The following COL23A1 variants were observed in gnomAD, a reference collection of about 807,000 sequenced individuals.
The protein encoded by COL23A1 is collagen alpha-1(XXIII) chain.
Under a neutral mutation model 99.3 loss-of-function variants are expected in COL23A1, and 97 were observed. The observed-to-expected ratio is 0.98, with a 90% CI of 0.83 to 1.16. The LOEUF (loss-of-function observed/expected upper bound fraction) is 1.16, where lower values mean the gene tolerates loss of function less well. Ranked by LOEUF, COL23A1 falls within the 50% of genes most tolerant of loss-of-function variation. The pLI, the probability that COL23A1 is intolerant of heterozygous loss-of-function variation, is 0.00. For missense variants in COL23A1, 762 were observed against 757.4 expected, an observed-to-expected ratio of 1.01 and a Z score of -0.07; for synonymous variants, 320 against 308.2, an observed-to-expected ratio of 1.04 and a Z score of -0.40.
rs767768898 is a variant in COL23A1, at chr5:178,296,771, G to A, written c.407-6402C>T. 4.7e-4 allele frequency among the ~76,000 whole-genome samples: 72 copies of A among 152,194 alleles called. 1 individual carries two copies. Among genetic ancestry groups the A allele is most frequent in the Admixed American group, 1.0e-3 (16 of 15,288 alleles). The stretch of plus-strand genomic sequence containing the variant: ...TGGCAGCGTTCCGGAGACTGATCTC[G>A]TTGCTCGTGGGACAGTCCACCTCAA... On this transcript the variant is annotated intron_variant, in intron 3 of 28. Transcript: ENST00000390654.
intron 2 of COL23A1, among the ~76,000 whole-genome samples, chr5:178,368,861 G>A (rs1338302930): frequency 6.6e-6 from 1 of 152,274 alleles, no homozygotes; most frequent in Non-Finnish European, 1.5e-5. Flanking sequence ...CCTCCTGACT[G>A]ATTCCTGCTG....
intron 2 of COL23A1, among the ~76,000 whole-genome samples, chr5:178,392,886 A>C (rs1316378080): frequency 1.3e-5 from 2 of 152,046 alleles, no homozygotes; most frequent in African/African-American, 2.4e-5. Context: ...GCCAGCGCTG[A>C]AGAGAAACAC....
At chr5:178,305,785 G>C (rs1482360020) in intron 3 of COL23A1, among the ~76,000 whole-genome samples, 1 of 152,132 alleles carries the variant, frequency 6.6e-6, no homozygotes, top group Non-Finnish European at 1.5e-5. Context: ...AGGAGGTCAC[G>C]GCAGTGAGAA....
chr5:178,407,935 CT>C (rs1421931223), intron 2 of COL23A1, among the ~76,000 whole-genome samples: 2 of 152,088 alleles, frequency 1.3e-5, no homozygotes, highest in Admixed American at 1.3e-4. Context: ...TAAATAATGG[CT>C]GGGGAATTTC....
intron 2 of COL23A1, among the ~76,000 whole-genome samples, chr5:178,547,745 C>CCACA (rs1486629156): frequency 2.9e-5 from 1 of 34,554 alleles, no homozygotes; most frequent in African/African-American, 1.4e-4. Flanking sequence ...CCACACACCC[C>CCACA]CACACCCACA....
At chr5:178,370,206 A>G (rs1381933881) in intron 2 of COL23A1, among the ~76,000 whole-genome samples, 1 of 152,242 alleles carries the variant, frequency 6.6e-6, no homozygotes, top group African/African-American at 2.4e-5. Flanking sequence ...TGAAAAGAGC[A>G]TGCTGGGGAG....
intron 1 of COL23A1, chr5:178,562,526 G>A (rs1056875669): frequency 1.4e-5 from 2 of 146,302 alleles, no homozygotes; most frequent in African/African-American, 5.2e-5. Flanking sequence ...CTGCACTCCA[G>A]CCTGGGCGAC....
chr5:178,430,687 T>A (rs1766212990), intron 2 of COL23A1, among the ~76,000 whole-genome samples: 1 of 152,152 alleles, frequency 6.6e-6, no homozygotes, highest in South Asian at 2.1e-4. Context: ...CAATGGCAAC[T>A]TGGGAAATAG....
At chr5:178,536,063 G>A (rs1027148928) in intron 2 of COL23A1, among the ~76,000 whole-genome samples, 5 of 152,272 alleles carry the variant, frequency 3.3e-5, no homozygotes, top group Non-Finnish European at 5.9e-5. Flanking sequence ...CCAGGGATCT[G>A]GTCTGCCAGA....
rs192803310 is a variant in COL23A1, at chr5:178,344,407, T to C, written c.362-37488A>G. Among the ~76,000 whole-genome samples the C allele has an allele frequency of 9.2e-3, 1,405 of 152,194 alleles. 21 individuals are homozygous for C. Among genetic ancestry groups the C allele is most frequent in the African/African-American group, 0.031 (1,293 of 41,518 alleles). ...ATCCCAGCACCTTGGGAGACCAAGG[T>C]GGGTGGATCACCTGAGGTCAGGAGT... On this transcript the variant is annotated intron_variant, in intron 2 of 28. Transcript: ENST00000390654.
chr5:178,445,378 T>C (rs1374140594), intron 2 of COL23A1, among the ~76,000 whole-genome samples: 1 of 152,212 alleles, frequency 6.6e-6, no homozygotes, highest in Non-Finnish European at 1.5e-5. Context: ...TTATAAGATA[T>C]TTTAATATCA....
intron 27 of COL23A1, among the ~76,000 whole-genome samples, chr5:178,240,634 C>T (rs891035865): frequency 1.3e-5 from 2 of 152,234 alleles, no homozygotes; most frequent in African/African-American, 2.4e-5. Context: ...CTGCTGTCCC[C>T]GCCCTTTCTG....
chr5:178,249,716 A>ACACACTCTCTCTCTCT, intron 18 of COL23A1, among the ~76,000 whole-genome samples: 5 of 92,806 alleles, frequency 5.4e-5, no homozygotes, highest in South Asian at 4.2e-4. Flanking sequence ...ACACACACAC[A>ACACACTCTCTCTCTCT]CTCTCTCTCT....
chr5:178,420,476 CCCCCGCTCTTTCCTCCTCCCCT>C (rs1765563594), intron 2 of COL23A1, among the ~76,000 whole-genome samples: 1 of 86,338 alleles, frequency 1.2e-5, no homozygotes, highest in Non-Finnish European at 2.4e-5. Flanking sequence ...CTCCTCCCCT[CCCCCGCTCTTTCCTCCTCCCCT>C]CCCCCCTTTT....
chr5:178,567,015 G>A (rs1310949747), intron 1 of COL23A1, among the ~76,000 whole-genome samples: 1 of 152,180 alleles, frequency 6.6e-6, no homozygotes, highest in Admixed American at 6.5e-5. Context: ...GTTTCTCACT[G>A]TCCAAGAAAG....
At chr5:178,335,421 C>G (rs567887441) in intron 2 of COL23A1, among the ~76,000 whole-genome samples, 1 of 152,018 alleles carries the variant, frequency 6.6e-6, no homozygotes, top group East Asian at 1.9e-4. Context: ...AGCGGTCCCC[C>G]TGCGCCGGGA....
intron 2 of COL23A1, among the ~76,000 whole-genome samples, chr5:178,401,220 G>T (rs1013866864): frequency 6.6e-6 from 1 of 152,208 alleles, no homozygotes; most frequent in Non-Finnish European, 1.5e-5. Context: ...TCCATCGTAT[G>T]GATGGATCAC....
intron 2 of COL23A1, among the ~76,000 whole-genome samples, chr5:178,454,188 C>A (rs1298907586): frequency 6.6e-6 from 1 of 152,010 alleles, no homozygotes; most frequent in Admixed American, 6.6e-5. Context: ...CCTGCCCACC[C>A]ACCCTCAATC....
At chr5:178,445,069 C>T (rs1767084669) in intron 2 of COL23A1, among the ~76,000 whole-genome samples, 1 of 152,136 alleles carries the variant, frequency 6.6e-6, no homozygotes, top group South Asian at 2.1e-4. Flanking sequence ...AAAACATTAG[C>T]AAATTTGATT....
Sources: gnomAD v4.1 joint callset for allele counts (sites outside exome capture counted in the v4.1 genomes callset) on GRCh38, gnomAD v4.1.1 for gene constraint, MANE v1.5 for transcripts, NCBI Gene and HGNC (gene_info 2026-07-23, HGNC 2026-07-21) for gene names.